Variants in DCC observed in about 807,000 individuals in gnomAD.
DCC encodes the protein DCC netrin 1 receptor.
DCC carries 58 observed loss-of-function variants against 172.5 expected under a neutral mutation model. The ratio of observed to expected loss-of-function variants is 0.34; its 90% confidence interval spans 0.27 to 0.42. DCC has a LOEUF of 0.42. Ranked by LOEUF, DCC falls within the 10% of genes least tolerant of loss-of-function variation. The pLI is 1.00. For synonymous variants in DCC, 709 were observed against 644.5 expected (o/e 1.10, Z -1.52); for missense variants, 1,740 against 1,791.0 (o/e 0.97, Z 0.51).
At chr18:52,822,539 C>T (rs1457356198) in intron 2 of DCC, among the ~76,000 whole-genome samples, 1 of 152,108 alleles carries the variant, frequency 6.6e-6, no homozygotes, top group East Asian at 1.9e-4. Context: ...AATTATAAGC[C>T]CCTGCAACAG....
chr18:52,417,098 T>A (rs183213325), intron 1 of DCC, among the ~76,000 whole-genome samples: 6 of 152,320 alleles, frequency 3.9e-5, no homozygotes, highest in Admixed American at 2.0e-4. Flanking sequence ...CATTTGCTTA[T>A]CTGTAAAGTA....
intron 8 of DCC, among the ~76,000 whole-genome samples, chr18:53,169,316 T>C (rs954473242): frequency 1.3e-5 from 2 of 152,192 alleles, no homozygotes; most frequent in African/African-American, 4.8e-5. Flanking sequence ...TCACAAAAAA[T>C]TAACGCTTCT....
chr18:52,856,161 G>A (rs925698908), intron 2 of DCC, among the ~76,000 whole-genome samples: 1 of 152,102 alleles, frequency 6.6e-6, no homozygotes, highest in Non-Finnish European at 1.5e-5. Context: ...AATAATTTAA[G>A]TCAATGTCTG....
chr18:52,438,555 A>T (rs1374962000), intron 1 of DCC, among the ~76,000 whole-genome samples: 1 of 152,250 alleles, frequency 6.6e-6, no homozygotes, highest in African/African-American at 2.4e-5. Flanking sequence ...AAGTTTTAAA[A>T]TTATGTGAAA....
At chr18:53,512,919 T>TATCA (rs2046276390) in intron 27 of DCC, among the ~76,000 whole-genome samples, 2 of 152,194 alleles carry the variant, frequency 1.3e-5, no homozygotes, top group African/African-American at 2.4e-5. Context: ...TTCCCCAATC[T>TATCA]ATCAAGGCAG....
intron 1 of DCC, among the ~76,000 whole-genome samples, chr18:52,382,806 A>G (rs1346294120): frequency 6.6e-6 from 1 of 152,088 alleles, no homozygotes; most frequent in African/African-American, 2.4e-5. Context: ...TTCCATTGTT[A>G]CATAACTCGT....
chr18:53,066,145 C>G lies in DCC; in HGVS notation c.1240C>G (p.Gln414Glu), dbSNP rs767541085. The stretch of plus-strand genomic sequence containing the variant: ...GGCTGGAAATGCCCAGACCAGTGCA[C>G]AGCTCATTGTCCCTAAGCCTGGTAA... ...NEAGNAQTSA[Q>E]LIVPKPAIPS... The change falls in exon 7 of 29, where the codon CAG (glutamine) becomes GAG (glutamate). Residue 414 changes from glutamine (Q) to glutamate (E), a missense_variant. Gln to Glu is a conservative substitution (Grantham distance 29). Coordinates refer to ENST00000442544, the MANE Select transcript of DCC (RefSeq NM_005215.4). The G allele has an allele frequency of 1.2e-6, 2 of 1,613,184 alleles. No individual in the cohort carries two copies. The highest frequency in any genetic ancestry group is 1.7e-6 in the Non-Finnish European group (2 of 1,179,420).
intron 7 of DCC, among the ~76,000 whole-genome samples, chr18:53,092,562 T>C (rs1262467934): frequency 6.6e-6 from 1 of 152,184 alleles, no homozygotes; most frequent in African/African-American, 2.4e-5. Context: ...TAGGTAGATA[T>C]TTTGACACAG....
At position 53,205,291 on chromosome 18, in the gene DCC, C is replaced by A. The variant is rs1013974671; in HGVS notation, c.1649C>A (p.Pro550His). The change falls in exon 10 of 29, where the codon CCC becomes CAC. Residue 550 changes from proline to histidine, a missense_variant. Transcript: ENST00000442544. ...ACCTCAATTCTTATTACCTGGGAAC[C>A]CCCTGCCTATGCAAACGGTCCAGTC... ...SPTSILITWE[P>H]PAYANGPVQG... 2 of 1,613,644 alleles carry A rather than the reference C, an allele frequency of 1.2e-6. No individual in the cohort carries two copies. Among genetic ancestry groups the A allele is most frequent in the African/African-American group, 1.3e-5 (1 of 74,856 alleles).
intron 2 of DCC, among the ~76,000 whole-genome samples, chr18:52,810,271 C>A (rs1446519964): frequency 6.6e-6 from 1 of 152,042 alleles, no homozygotes; most frequent in Non-Finnish European, 1.5e-5. Context: ...GGAGGGGATC[C>A]AAACCAGCAC....
At position 52,991,105 on chromosome 18, in the gene DCC, C is replaced by T. The variant is rs768576613; in HGVS notation, c.985+65735C>T. On this transcript the variant is annotated intron_variant, in intron 5 of 28. Coordinates refer to ENST00000442544, the MANE Select transcript of DCC (RefSeq NM_005215.4). ...TGTCAAAGCTTACCTACATATGGCT[C>T]GATTGTGGACCCATCTCATTCATAA... is the stretch of plus-strand genomic sequence containing the variant. Among the ~76,000 whole-genome samples the T allele has an allele frequency of 7.9e-5, 12 of 152,116 alleles. No homozygotes were observed. The South Asian group carries it at 1.5e-3, about 18-fold the overall frequency.
rs1044403782 is a variant in DCC at position 53,440,055 on chromosome 18, G to A, written c.3229+4846G>A. Among the ~76,000 whole-genome samples, 8 of 151,798 alleles carry A rather than the reference G, an allele frequency of 5.3e-5. No homozygotes were observed. The South Asian group carries it at 8.3e-4, about 16-fold the overall frequency. On this transcript the variant is annotated intron_variant, in intron 22 of 28. Coordinates refer to ENST00000442544, the MANE Select transcript of DCC (RefSeq NM_005215.4). ...GCTGGGATTACAGGCGTGAGCCACCGCGCCCGGCCGTATTTTTCTTTTATG... is the reference window on the plus strand; with the variant it reads ...GCTGGGATTACAGGCGTGAGCCACCACGCCCGGCCGTATTTTTCTTTTATG...
chr18:53,428,821 AATTATAT>A (rs1335392051), intron 21 of DCC, among the ~76,000 whole-genome samples: 25 of 26,416 alleles, frequency 9.5e-4, no homozygotes, highest in African/African-American at 2.6e-3. Context: ...ATATATAATA[AATTATAT>A]ATTATATATT....
chr18:52,582,594 G>T (rs892255480), intron 1 of DCC, among the ~76,000 whole-genome samples: 1 of 152,128 alleles, frequency 6.6e-6, no homozygotes, highest in Non-Finnish European at 1.5e-5. Context: ...GCTTGTGCTT[G>T]GAATAGTGCC....
At chr18:52,541,891 A>ATATATATATG (rs1449522752) in intron 1 of DCC, among the ~76,000 whole-genome samples, 3 of 115,800 alleles carry the variant, frequency 2.6e-5, no homozygotes, top group South Asian at 5.7e-4. Flanking sequence ...ATATATATAT[A>ATATATATATG]TATATGTGTA....
chr18:53,207,554 C>G lies in DCC; in HGVS notation c.1723-125C>G, dbSNP rs550433183. ...CTGTGTCACAAGGTAGGTTTTATAG[C>G]TCATTAGAAGGCTGGAGTGTAGTTT... is the stretch of plus-strand genomic sequence containing the variant. On this transcript the variant is annotated intron_variant, in intron 10 of 28. Transcript: ENST00000442544. The G allele has an allele frequency of 3.5e-4, 315 of 907,696 alleles. 2 individuals are homozygous for G. The African/African-American group carries it at 4.7e-3, about 14-fold the overall frequency. 56.2% of individuals were successfully genotyped at this position (907,696 alleles called of 1,614,324 possible).
intron 12 of DCC, among the ~76,000 whole-genome samples, chr18:53,219,691 A>C (rs1228655964): frequency 6.6e-6 from 1 of 152,124 alleles, no homozygotes; most frequent in Non-Finnish European, 1.5e-5. Flanking sequence ...AAGCAACCGA[A>C]GAAAAAGTTT....
intron 5 of DCC, among the ~76,000 whole-genome samples, chr18:52,978,165 A>G (rs753421295): frequency 1.3e-5 from 2 of 152,134 alleles, no homozygotes; most frequent in Admixed American, 6.5e-5. Flanking sequence ...TGCCATTGAA[A>G]AAGTATTAAG....
intron 1 of DCC, among the ~76,000 whole-genome samples, chr18:52,588,434 C>A (rs1188192921): frequency 6.6e-6 from 1 of 152,170 alleles, no homozygotes; most frequent in Admixed American, 6.5e-5. Flanking sequence ...ATGCTATTCC[C>A]TGACTACAGG....
Sources: gnomAD v4.1 joint callset for allele counts (sites outside exome capture counted in the v4.1 genomes callset) on GRCh38, gnomAD v4.1.1 for gene constraint, MANE v1.5 for transcripts, NCBI Gene and HGNC (gene_info 2026-07-23, HGNC 2026-07-21) for gene names.